Variants in EVC observed in about 807,000 individuals in gnomAD.
The protein encoded by EVC is evC complex member EVC.
Under a neutral mutation model 118.9 loss-of-function variants are expected in EVC, and 116 were observed. The ratio of observed to expected loss-of-function variants is 0.98; its 90% CI spans 0.84 to 1.14. The LOEUF is 1.14. Among genes scored for constraint, EVC ranks in the 50% most tolerant of loss-of-function variants. The pLI is 0.00. For synonymous variants in EVC, 619 were observed against 534.7 expected, an observed-to-expected ratio of 1.16 and a Z score of -2.18; for missense variants, 1,401 against 1,246.4, an observed-to-expected ratio of 1.12 and a Z score of -1.87.
intron 17 of EVC, among the ~76,000 whole-genome samples, chr4:5,806,354 A>T (rs1715909748): frequency 6.6e-6 from 1 of 152,024 alleles, no homozygotes; most frequent in East Asian, 1.9e-4. Flanking sequence ...TGCTGGGATT[A>T]CAGGTGTGAG....
In EVC at chr4:5,731,381, A is replaced by G. The variant is rs1328420984; in HGVS notation, c.385-44A>G. ...AATTATGAATACTAGATCAAATCCCAGAGGCATCACATGGACTGAGTGTGA... is the reference window on the plus strand; with the variant it reads ...AATTATGAATACTAGATCAAATCCCGGAGGCATCACATGGACTGAGTGTGA... On this transcript the variant is annotated intron_variant, in intron 3 of 20. Coordinates refer to ENST00000264956, the MANE Select transcript of EVC (RefSeq NM_153717.3). This position sits in a 1 kb window ranked among gnomAD's most constrained non-coding sequence, Gnocchi z 5.6. 2.1e-6 allele frequency: 3 copies of G among 1,430,308 alleles called. No homozygotes were observed. Among genetic ancestry groups the G allele is most frequent in the Non-Finnish European group, 2.0e-6 (2 of 1,013,032 alleles). 88.6% of individuals were successfully genotyped at this position (1,430,308 alleles called of 1,614,324 possible).
At chr4:5,722,058 C>T (rs1323387769) in intron 2 of EVC, among the ~76,000 whole-genome samples, 2 of 152,150 alleles carry the variant, frequency 1.3e-5, no homozygotes, top group East Asian at 1.9e-4. Flanking sequence ...GAGCTAGAAT[C>T]CTGGAACCCA....
intron 11 of EVC, among the ~76,000 whole-genome samples, chr4:5,764,230 C>T (rs1267565466): frequency 2.8e-5 from 4 of 142,218 alleles, no homozygotes; most frequent in East Asian, 4.1e-4. Context: ...ATTGAACCAG[C>T]CTTGCATCCC....
chr4:5,796,912 C>T (rs1481146252), intron 13 of EVC, 110 bp from the exon 14 acceptor site: 3 of 857,932 alleles, frequency 3.5e-6, no homozygotes, highest in East Asian at 2.5e-5. Flanking sequence ...TGATTCCAAC[C>T]TGCTTCCTTT....
Position 5,731,495 on chromosome 4 carries a change from C to G in EVC, c.455C>G (p.Pro152Arg). The change falls in exon 4 of 21, where the codon CCG becomes CGG. Residue 152 changes from proline to arginine, a missense_variant. Physicochemically the swap from Pro to Arg is moderately radical, Grantham distance 103 (BLOSUM62 -2). Transcript: ENST00000264956. The surrounding 1 kb of genome is among the most constrained non-coding windows in gnomAD (Gnocchi z 5.6). ...NLKQAVLPHQ[P>R]VEASPSSSLG... ...AAGCAGGCTGTTTTGCCACACCAGC[C>G]GGTAGAGGCCTCTCCTTCCAGCAGT... The G allele has an allele frequency of 6.2e-7, 1 of 1,614,102 alleles. No individual in the cohort carries two copies. The highest frequency in any genetic ancestry group is 8.5e-7 in the Non-Finnish European group (1 of 1,180,014).
chr4:5,758,106 C>G, intron 11 of EVC: 1 of 702,348 alleles, frequency 1.4e-6, no homozygotes, highest in Non-Finnish European at 2.6e-6. Flanking sequence ...CATAGAGACA[C>G]AGGGAAGGAG....
chr4:5,784,176 C>T (rs538687660), intron 12 of EVC, among the ~76,000 whole-genome samples: 4 of 152,064 alleles, frequency 2.6e-5, no homozygotes, highest in South Asian at 4.1e-4. Flanking sequence ...ATCGTGACCC[C>T]TCAAAGATAT....
chr4:5,728,814 A>C (rs1214739481), intron 2 of EVC, among the ~76,000 whole-genome samples: 1 of 152,188 alleles, frequency 6.6e-6, no homozygotes, highest in Non-Finnish European at 1.5e-5. Flanking sequence ...ATTCCTTAGG[A>C]GACTCTCTTG....
intron 12 of EVC, among the ~76,000 whole-genome samples, chr4:5,784,565 T>C (rs1389254380): frequency 6.6e-6 from 1 of 151,836 alleles, no homozygotes; most frequent in Admixed American, 6.6e-5. Flanking sequence ...CTTGTAGCAA[T>C]GTGGAACAGC....
At chr4:5,768,975 C>G (rs1001374020) in intron 11 of EVC, among the ~76,000 whole-genome samples, 1 of 152,236 alleles carries the variant, frequency 6.6e-6, no homozygotes, top group East Asian at 1.9e-4. Flanking sequence ...CCCAGGCACA[C>G]AGAGGCATCA....
At chr4:5,748,753 CATTT>C (rs1729864761) in intron 8 of EVC, among the ~76,000 whole-genome samples, 1 of 73,368 alleles carries the variant, frequency 1.4e-5, no homozygotes, top group South Asian at 4.4e-4. Context: ...CCCATCCATC[CATTT>C]ACTCATCCAT....
chr4:5,748,761 C>T (rs1439324108), intron 8 of EVC, among the ~76,000 whole-genome samples: 7 of 37,726 alleles, frequency 1.9e-4, no homozygotes, highest in Non-Finnish European at 3.7e-4. Context: ...TCCATTTACT[C>T]ATCCATCCAT....
In EVC at chr4:5,782,074, T is replaced by C. The variant is rs545171647; in HGVS notation, c.1564-1478T>C. On this transcript the variant is annotated intron_variant, in intron 11 of 20. Coordinates refer to ENST00000264956, the MANE Select transcript of EVC (RefSeq NM_153717.3). ...CCTGTAAAGTTCCATGTTTTTTGTT[T>C]TTGTTTGTTTTTATATTTTTTGAGA... Among the ~76,000 whole-genome samples the C allele has an allele frequency of 2.0e-5, 3 of 152,104 alleles. No homozygotes were observed. In the South Asian group the frequency reaches 6.2e-4, roughly 32 times the overall value.
At chr4:5,786,749 G>A (rs192391395) in intron 12 of EVC, among the ~76,000 whole-genome samples, 2 of 152,068 alleles carry the variant, frequency 1.3e-5, no homozygotes, top group Admixed American at 6.6e-5. Flanking sequence ...ACAGGTGCCT[G>A]TAGTCCCAGC....
chr4:5,784,137 T>G (rs1480168518), intron 12 of EVC, among the ~76,000 whole-genome samples: 1 of 152,152 alleles, frequency 6.6e-6, no homozygotes, highest in Admixed American at 6.5e-5. Context: ...AGTCTGATTA[T>G]TAAGACCATG....
At chr4:5,741,673 T>C (rs116166266) in intron 5 of EVC, 43 bp from the exon 6 acceptor site, 41,794 of 1,187,298 alleles carry the variant, frequency 0.035, 887 homozygotes, top group Non-Finnish European at 0.045. Context: ...AAAATACCAT[T>C]GATTAAACTT....
chr4:5,760,446 GTC>G (rs1485269558), intron 11 of EVC, among the ~76,000 whole-genome samples: 1 of 152,216 alleles, frequency 6.6e-6, no homozygotes, highest in East Asian at 1.9e-4. Flanking sequence ...ACCTGCTGGA[GTC>G]TCTCTCCTAG....
intron 3 of EVC, among the ~76,000 whole-genome samples, chr4:5,730,059 G>A (rs560727997): frequency 1.1e-4 from 17 of 152,148 alleles, no homozygotes; most frequent in Non-Finnish European, 1.6e-4. Flanking sequence ...TCAGGATGAC[G>A]AGCTCTGGAG....
At chr4:5,828,630 G>A in the EVC span, 12 of 1,614,176 alleles carry the variant, frequency 7.4e-6, no homozygotes, top group East Asian at 4.5e-5. Context: ...GTGGGGAGCC[G>A]TGGCACTCCA....
Sources: gnomAD v4.1 joint callset for allele counts (sites outside exome capture counted in the v4.1 genomes callset) on GRCh38, gnomAD v4.1.1 for gene constraint, Gnocchi (gnomAD v3.1) non-coding constraint, MANE v1.5 for transcripts, NCBI Gene and HGNC (gene_info 2026-07-23, HGNC 2026-07-21) for gene names.